Variants in ZFP3 observed in about 807,000 individuals in gnomAD.
ZFP3 encodes zinc finger protein 3 homolog.
A neutral mutation model predicts 36.7 loss-of-function variants in ZFP3; 18 were observed. That is an observed-to-expected ratio of 0.49 (90% CI 0.34 to 0.73). The LOEUF (loss-of-function observed/expected upper bound fraction) is 0.73, where lower values mean the gene tolerates loss of function less well. Among genes scored for constraint, ZFP3 ranks in the 30% least tolerant of loss-of-function variants. The pLI, the probability that ZFP3 is intolerant of heterozygous loss-of-function variation, is 0.01. For missense variants in ZFP3, 495 were observed against 599.0 expected (o/e 0.83, Z 1.81); for synonymous variants, 218 against 199.0 (o/e 1.10, Z -0.81).
Position 5,078,688 on chromosome 17 carries a change from T to G in ZFP3, c.-9+113T>G, listed in dbSNP as rs2072077437. 6.6e-6 allele frequency: 1 copy of G among 152,540 alleles called. No individual in the cohort carries two copies. Among genetic ancestry groups the G allele is most frequent in the African/African-American group, 2.4e-5 (1 of 41,458 alleles). 9.4% of individuals were successfully genotyped at this position (152,540 alleles called of 1,614,324 possible). On this transcript the variant is annotated intron_variant, in intron 1 of 1. Coordinates refer to ENST00000318833, the MANE Select transcript of ZFP3 (RefSeq NM_153018.3). This position sits in a 1 kb window ranked among gnomAD's most constrained non-coding sequence, Gnocchi z 4.5. ...GGCCCGTTCTGACCGGGGTTCGCTG[T>G]GTGACCTTGAAGTTTATGCCTCCCT...
chr17:5,095,389 GCA>G lies in ZFP3; in HGVS notation c.*2379_*2380del, dbSNP rs1338588875. The G allele has an allele frequency of 6.0e-6, 1 of 166,970 alleles. No individual in the cohort carries two copies. Among genetic ancestry groups the G allele is most frequent in the Non-Finnish European group, 1.5e-5 (1 of 68,114 alleles). 10.3% of individuals were successfully genotyped at this position (166,970 alleles called of 1,614,324 possible). ...GTCTTATTCCTTTTTCATTGCTGGA[GCA>G]CAAATTGAATTGTGCCCAGACCGTA... On this transcript the variant is annotated 3_prime_UTR_variant, in exon 2 of 2. Coordinates refer to ENST00000318833, the MANE Select transcript of ZFP3 (RefSeq NM_153018.3).
chr17:5,092,419 A>G lies in ZFP3; in HGVS notation c.915A>G (p.Gly305=). 6.2e-7 allele frequency: 1 copy of G among 1,614,236 alleles called. No homozygotes were observed. Among genetic ancestry groups the G allele is most frequent in the South Asian group, 1.1e-5 (1 of 91,092 alleles). The stretch of plus-strand genomic sequence containing the variant: ...TTAGACACCAGAAAATTCATACTGG[A>G]GAAAAACCATATCTGTGTAATGAAT... The part of the protein sequence containing the change: ...GLIRHQKIHT[G]EKPYLCNECG... Residue 305 remains glycine (G), a synonymous_variant, in exon 2 of 2, where the codon GGA becomes GGG. Coordinates refer to ENST00000318833, the MANE Select transcript of ZFP3 (RefSeq NM_153018.3). The surrounding 1 kb of genome is among the most constrained non-coding windows in gnomAD (Gnocchi z 5.0).
Position 5,092,317 on chromosome 17 carries a change from T to G in ZFP3, c.813T>G (p.His271Gln), listed in dbSNP as rs2072154420. The change falls in exon 2 of 2, where the codon CAT becomes CAG. Residue 271 changes from histidine (H) to glutamine (Q), a missense_variant. His to Gln is a conservative substitution (Grantham distance 24). This residue lies in a region of ZFP3 where 103 missense variants were observed against 186.8 expected (regional missense o/e 0.55). Transcript: ENST00000318833. This position sits in a 1 kb window ranked among gnomAD's most constrained non-coding sequence, Gnocchi z 5.0. ...GGGTTAGTTCACAGCTTATTCAGCA[T>G]CAGAGAATTCATACTGAAGAAAGAT... Reference protein sequence around the residue: ...TFRVSSQLIQHQRIHTEERYH... With the variant: ...TFRVSSQLIQQQRIHTEERYH... 1 of 1,614,034 alleles carries G rather than the reference T, an allele frequency of 6.2e-7. No homozygotes were observed. Among genetic ancestry groups the G allele is most frequent in the Non-Finnish European group, 8.5e-7 (1 of 1,180,038 alleles).
At chr17:5,084,234 T>C (rs979291767) in intron 1 of ZFP3, among the ~76,000 whole-genome samples, 2 of 151,064 alleles carry the variant, frequency 1.3e-5, no homozygotes, top group African/African-American at 4.9e-5. Flanking sequence ...TTAATAGATA[T>C]CTGGTTTATA....
Position 5,092,846 on chromosome 17 carries a change from C to T in ZFP3, c.1342C>T (p.Pro448Ser), listed in dbSNP as rs1269683213. Residue 448 changes from proline (P) to serine (S), a missense_variant, in exon 2 of 2, where the codon CCT becomes TCT. Around this residue, in one of 3 missense-constraint regions of ZFP3, gnomAD observed 163 missense variants for 178.4 expected, o/e 0.91. Coordinates refer to ENST00000318833, the MANE Select transcript of ZFP3 (RefSeq NM_153018.3). This position sits in a 1 kb window ranked among gnomAD's most constrained non-coding sequence, Gnocchi z 5.0. ...CCAGAAAATTCATATTGGAGAGAAA[C>T]CTTATGAATGTAGCGAGTGTGAGAA... ...LHQKIHIGEKPYECSECEKTF... is the reference protein window; with the variant it reads ...LHQKIHIGEKSYECSECEKTF... The T allele has an allele frequency of 1.2e-6, 2 of 1,614,132 alleles. No individual in the cohort carries two copies. The highest frequency in any genetic ancestry group is 2.2e-5 in the South Asian group (2 of 91,080).
rs1192763112 is a variant in ZFP3 at position 5,092,103 on chromosome 17, A to G, written c.599A>G (p.Asn200Ser). The G allele has an allele frequency of 6.2e-7, 1 of 1,614,232 alleles. No homozygotes were observed. Among genetic ancestry groups the G allele is most frequent in the Non-Finnish European group, 8.5e-7 (1 of 1,180,044 alleles). The change falls in exon 2 of 2, where the codon AAT (asparagine) becomes AGT (serine). Residue 200 changes from asparagine to serine, a missense_variant. Coordinates refer to ENST00000318833, the MANE Select transcript of ZFP3 (RefSeq NM_153018.3). This position sits in a 1 kb window ranked among gnomAD's most constrained non-coding sequence, Gnocchi z 5.0. Reference sequence around the variant, plus strand: ...GCTGGAGAAAAACCCTTTGCTTGTAATGAATGTGGAAAGGCCTTCATTCAG... The same window carrying G: ...GCTGGAGAAAAACCCTTTGCTTGTAGTGAATGTGGAAAGGCCTTCATTCAG... Reference protein sequence around the residue: ...IHAGEKPFACNECGKAFIQSS... With the variant: ...IHAGEKPFACSECGKAFIQSS...
chr17:5,082,476 G>A (rs142876169), intron 1 of ZFP3, among the ~76,000 whole-genome samples: 66 of 152,294 alleles, frequency 4.3e-4, no homozygotes, highest in African/African-American at 1.4e-3. Flanking sequence ...TTGAAGAAGT[G>A]AGTTTTTTGG....
chr17:5,093,157 G>T lies in ZFP3; in HGVS notation c.*144G>T. Reference sequence around the variant, plus strand: ...TCCTCCCACTGATTTTAAATAGTTGGTTGAAGAAGATGAGGCACTTTTTTT... The same window carrying T: ...TCCTCCCACTGATTTTAAATAGTTGTTTGAAGAAGATGAGGCACTTTTTTT... On this transcript the variant is annotated 3_prime_UTR_variant, in exon 2 of 2. Coordinates refer to ENST00000318833, the MANE Select transcript of ZFP3 (RefSeq NM_153018.3). 1 of 879,526 alleles carries T rather than the reference G, an allele frequency of 1.1e-6. No homozygotes were observed. The highest frequency in any genetic ancestry group is 1.6e-6 in the Non-Finnish European group (1 of 618,056). 54.5% of individuals were successfully genotyped at this position (879,526 alleles called of 1,614,324 possible).
At chr17:5,082,899 G>A (rs943061597) in intron 1 of ZFP3, among the ~76,000 whole-genome samples, 9 of 152,292 alleles carry the variant, frequency 5.9e-5, no homozygotes, top group Non-Finnish European at 1.3e-4. Context: ...ACAAATCACT[G>A]TGTGGCTTTT....
chr17:5,085,498 AGCT>A (rs1415103418), intron 1 of ZFP3, among the ~76,000 whole-genome samples: 2 of 151,862 alleles, frequency 1.3e-5, no homozygotes, highest in Non-Finnish European at 2.9e-5. Context: ...CCTCCTGAGT[AGCT>A]GGGACTACAA....
Position 5,092,405 on chromosome 17 carries a change from A to G in ZFP3, c.901A>G (p.Lys301Glu). 3 of 1,614,228 alleles carry G rather than the reference A, an allele frequency of 1.9e-6. No homozygotes were observed. The highest frequency in any genetic ancestry group is 2.5e-6 in the Non-Finnish European group (3 of 1,180,038). Residue 301 changes from lysine (K) to glutamate (E), a missense_variant, in exon 2 of 2, where the codon AAA becomes GAA. By Grantham distance (56) the Lys-to-Glu change is moderately conservative. This residue lies in a region of ZFP3 where 103 missense variants were observed against 186.8 expected (regional missense o/e 0.55). Transcript: ENST00000318833. The surrounding 1 kb of genome is among the most constrained non-coding windows in gnomAD (Gnocchi z 5.0). Reference protein sequence around the residue: ...KHSSGLIRHQKIHTGEKPYLC... With the variant: ...KHSSGLIRHQEIHTGEKPYLC... ...TAGCTCAGGCCTTATTAGACACCAG[A>G]AAATTCATACTGGAGAAAAACCATA...
At chr17:5,081,243 T>C (rs767600532) in intron 1 of ZFP3, among the ~76,000 whole-genome samples, 12 of 151,116 alleles carry the variant, frequency 7.9e-5, no homozygotes, top group Non-Finnish European at 1.6e-4. Flanking sequence ...ACAGGTGCCT[T>C]CCACCACACC....
chr17:5,092,777 G>A lies in ZFP3; in HGVS notation c.1273G>A (p.Glu425Lys). Residue 425 changes from glutamate to lysine, a missense_variant, in exon 2 of 2, where the codon GAG becomes AAG. Around this residue, in one of 3 missense-constraint regions of ZFP3, gnomAD observed 163 missense variants for 178.4 expected, o/e 0.91. Coordinates refer to ENST00000318833, the MANE Select transcript of ZFP3 (RefSeq NM_153018.3). The surrounding 1 kb of genome is among the most constrained non-coding windows in gnomAD (Gnocchi z 5.0). ...HTGEKPHQCN[E>K]CARTFWDNSE... is the part of the protein sequence containing the mutation. ...TGGAGAGAAACCCCATCAATGTAAT[G>A]AGTGTGCAAGAACCTTTTGGGATAA... 1.9e-6 allele frequency: 3 copies of A among 1,614,178 alleles called. No individual in the cohort carries two copies. Among genetic ancestry groups the A allele is most frequent in the Non-Finnish European group, 2.5e-6 (3 of 1,180,032 alleles).
rs41329744 is a variant in ZFP3, at chr17:5,086,179, T to C, written c.-8-5318T>C. ...AAGAAAGTTCCACCTCATTTTCAGG[T>C]GTAGCACAAAGAGCTTCTAAGACTT... On this transcript the variant is annotated intron_variant, in intron 1 of 1. Transcript: ENST00000318833. Among the ~76,000 whole-genome samples the C allele has an allele frequency of 7.5e-3, 1,145 of 152,282 alleles. 9 individuals carry two copies. Among genetic ancestry groups the C allele is most frequent in the African/African-American group, 0.026 (1,085 of 41,558 alleles).
At position 5,079,249 on chromosome 17, in the gene ZFP3, C is replaced by T. The variant is rs1044503350; in HGVS notation, c.-9+674C>T. Among the ~76,000 whole-genome samples the T allele has an allele frequency of 3.9e-5, 6 of 152,296 alleles. No homozygotes were observed. The East Asian group carries it at 1.2e-3, about 29-fold the overall frequency. On this transcript the variant is annotated intron_variant, in intron 1 of 1. Coordinates refer to ENST00000318833, the MANE Select transcript of ZFP3 (RefSeq NM_153018.3). ...TCAAGAGTATTACAGAGGCTGGGTGCAGTGGCTCATGCCTGTAATCCCAGC... is the reference window on the plus strand; with the variant it reads ...TCAAGAGTATTACAGAGGCTGGGTGTAGTGGCTCATGCCTGTAATCCCAGC...
At chr17:5,090,837 G>C (rs2143531383) in intron 1 of ZFP3, among the ~76,000 whole-genome samples, 1 of 151,928 alleles carries the variant, frequency 6.6e-6, no homozygotes, top group African/African-American at 2.4e-5. Flanking sequence ...TGCCCAGCTA[G>C]TTTTTGTATT....
At position 5,092,908 on chromosome 17, in the gene ZFP3, G is replaced by A. The variant is rs1314212006; in HGVS notation, c.1404G>A (p.Gln468=). The stretch of plus-strand genomic sequence containing the variant: ...AGCATTCCCAACTTATCATACATCA[G>A]AGAATTCACACTGGAGAGAAGCCTT... ...FSQHSQLIIH[Q]RIHTGEKPYE... is the part of the protein sequence containing the mutation. The change falls in exon 2 of 2, where the codon CAG becomes CAA. Residue 468 remains glutamine (Q), a synonymous_variant. Transcript: ENST00000318833. This position sits in a 1 kb window ranked among gnomAD's most constrained non-coding sequence, Gnocchi z 5.0. 6.2e-7 allele frequency: 1 copy of A among 1,614,072 alleles called. No homozygotes were observed. The highest frequency in any genetic ancestry group is 8.5e-7 in the Non-Finnish European group (1 of 1,180,042).
intron 1 of ZFP3, among the ~76,000 whole-genome samples, chr17:5,083,419 C>CGGT (rs1488963818): frequency 6.6e-6 from 1 of 151,760 alleles, no homozygotes; most frequent in Non-Finnish European, 1.5e-5. Context: ...TAGCCAGGCA[C>CGGT]GGTGGTGCAA....
chr17:5,082,892 A>G (rs567142531), intron 1 of ZFP3, among the ~76,000 whole-genome samples: 71 of 152,180 alleles, frequency 4.7e-4, no homozygotes, highest in Middle Eastern at 3.2e-3. Context: ...TTTTACTACA[A>G]ATCACTGTGT....
Sources: allele counts gnomAD v4.1 joint callset (sites outside exome capture counted in the v4.1 genomes callset), GRCh38; gene constraint gnomAD v4.1.1; regional missense constraint gnomAD v4.1.1; non-coding constraint Gnocchi (gnomAD v3.1); transcripts MANE v1.5; gene names NCBI Gene and HGNC (gene_info 2026-07-23, HGNC 2026-07-21).